Variants in UGT1A9 observed in about 807,000 individuals in gnomAD.
UGT1A9 encodes UDP-glucuronosyltransferase 1A9.
Under a neutral mutation model 45.0 loss-of-function variants are expected in UGT1A9, and 35 were observed. The ratio of observed to expected loss-of-function variants is 0.78; its 90% CI spans 0.59 to 1.03. The LOEUF (loss-of-function observed/expected upper bound fraction) is 1.03. UGT1A9 is among the 50% of genes least tolerant of loss of function. UGT1A9 has a pLI of 0.00. For synonymous variants in UGT1A9, 278 were observed against 250.6 expected, an observed-to-expected ratio of 1.11 and a Z score of -1.03; for missense variants, 687 against 666.6, an observed-to-expected ratio of 1.03 and a Z score of -0.34.
chr2:233,728,547 T>G (rs547390241), intron 1 of UGT1A9, among the ~76,000 whole-genome samples: 2 of 152,326 alleles, frequency 1.3e-5, no homozygotes, highest in African/African-American at 4.8e-5. Flanking sequence ...GAGTCCTCTC[T>G]GATCCTTACA....
chr2:233,713,134 T>C (rs3755323), intron 1 of UGT1A9: 158,247 of 1,614,024 alleles, frequency 0.098, 8,762 homozygotes, highest in South Asian at 0.2. Flanking sequence ...CGGGAGGCCT[T>C]GCGGGACCTC....
Position 233,682,599 on chromosome 2 carries a change from C to G in UGT1A9, c.855+9810C>G. On this transcript the variant is annotated intron_variant, in intron 1 of 4. Transcript: ENST00000354728. The stretch of plus-strand genomic sequence containing the variant: ...CACTTGGAGGAACATTTATTTTGCC[C>G]CTATTTTTTCAAAAATGTCTTAGAA... 4 of 1,613,876 alleles carry G rather than the reference C, an allele frequency of 2.5e-6. No homozygotes were observed. In the South Asian group the frequency reaches 4.4e-5, roughly 18 times the overall value.
chr2:233,682,269 G>A, intron 1 of UGT1A9: 2 of 1,614,172 alleles, frequency 1.2e-6, no homozygotes, highest in Non-Finnish European at 1.7e-6. Flanking sequence ...CTATTAACAA[G>A]TTCATCCAAT....
At chr2:233,741,008 GC>G (rs1212205801) in intron 1 of UGT1A9, 3 of 151,722 alleles carry the variant, frequency 2.0e-5, no homozygotes, top group Admixed American at 6.6e-5. Flanking sequence ...GATCACTTGA[GC>G]CCAGGAATTC....
At chr2:233,743,056 A>G (rs955838724) in intron 1 of UGT1A9, 3 of 325,656 alleles carry the variant, frequency 9.2e-6, no homozygotes, top group African/African-American at 6.5e-5. Context: ...AGTCCCAACG[A>G]TAAGAACAGG....
rs144416943 is a variant in UGT1A9, at chr2:233,751,718, G to A, written c.856-15316G>A. 2.1e-3 allele frequency among the ~76,000 whole-genome samples: 324 copies of A among 152,254 alleles called. 2 individuals carry two copies. The highest frequency in any genetic ancestry group is 7.5e-3 in the African/African-American group (310 of 41,552). ...GGGGCTCTTCCTCCTTCACTCACAA[G>A]TGAACTCTTCCTCTCTGTTTCTCTC... On this transcript the variant is annotated intron_variant, in intron 1 of 4. Transcript: ENST00000354728.
chr2:233,724,305 C>G (rs2077214649), intron 1 of UGT1A9, among the ~76,000 whole-genome samples: 3 of 147,406 alleles, frequency 2.0e-5, no homozygotes, highest in Admixed American at 6.7e-5. Context: ...CCCCACCTCC[C>G]TCCCGGACGG....
At chr2:233,747,383 G>A (rs979148855) in intron 1 of UGT1A9, 12 of 1,605,438 alleles carry the variant, frequency 7.5e-6, no homozygotes, top group Admixed American at 3.3e-5. Flanking sequence ...GAGGCCACCA[G>A]GCGGTGGTCC....
chr2:233,766,561 C>T (rs1699182212), intron 1 of UGT1A9, among the ~76,000 whole-genome samples: 1 of 152,200 alleles, frequency 6.6e-6, no homozygotes, highest in Non-Finnish European at 1.5e-5. Context: ...CACCTAGGTC[C>T]ATGGGCACAG....
intron 1 of UGT1A9, among the ~76,000 whole-genome samples, chr2:233,757,259 G>T (rs1043917928): frequency 2.0e-5 from 3 of 146,774 alleles, no homozygotes; most frequent in African/African-American, 7.6e-5. Context: ...TTATTCAGGT[G>T]GCAGCCGATG....
rs576748005 is a variant in UGT1A9 at position 233,703,104 on chromosome 2, T to C, written c.855+30315T>C. On this transcript the variant is annotated intron_variant, in intron 1 of 4. Coordinates refer to ENST00000354728, the MANE Select transcript of UGT1A9 (RefSeq NM_021027.3). ...GCTTTTCTTGCAGGAGGTTTTAAAA[T>C]TACTAATTTAATCTTTTTACCTGTT... Among the ~76,000 whole-genome samples, 7 of 152,330 alleles carry C rather than the reference T, an allele frequency of 4.6e-5. No homozygotes were observed. The East Asian group carries it at 1.3e-3, about 29-fold the overall frequency.
At chr2:233,702,817 T>C (rs933179108) in intron 1 of UGT1A9, among the ~76,000 whole-genome samples, 1 of 152,218 alleles carries the variant, frequency 6.6e-6, no homozygotes, top group Non-Finnish European at 1.5e-5. Context: ...TCCCACTTGA[T>C]TGTGTTGTAT....
At position 233,756,026 on chromosome 2, in the gene UGT1A9, C is replaced by A. The variant is rs573577160; in HGVS notation, c.856-11008C>A. The stretch of plus-strand genomic sequence containing the variant: ...TATCTATTGTGATATTACACATCCC[C>A]CATGTAGCTTCTGGAAAACTCCACT... On this transcript the variant is annotated intron_variant, in intron 1 of 4. Transcript: ENST00000354728. 66 of 152,322 alleles carry A rather than the reference C, an allele frequency of 4.3e-4. 1 individual carries two copies. The highest frequency in any genetic ancestry group is 1.5e-3 in the African/African-American group (63 of 41,570). The allele number at this position is 152,322 out of a possible 1,614,324, so 9.4% of individuals were successfully genotyped here. A position where few individuals can be genotyped will look rare whatever the true frequency, so the allele number is the denominator to read the frequency against.
intron 4 of UGT1A9, chr2:233,770,959 T>C (rs1275512956): frequency 1.3e-5 from 2 of 152,178 alleles, no homozygotes; most frequent in East Asian, 3.9e-4. Context: ...AGGGAGCTTT[T>C]ACTCATGGCA....
chr2:233,761,889 C>G (rs2125994271), intron 1 of UGT1A9, among the ~76,000 whole-genome samples: 1 of 152,322 alleles, frequency 6.6e-6, no homozygotes, highest in Middle Eastern at 3.4e-3. Context: ...TTCACTTATC[C>G]TGCAAAGATT....
intron 1 of UGT1A9, chr2:233,743,038 A>C (rs968490640): frequency 1.1e-4 from 31 of 283,022 alleles, no homozygotes; most frequent in Non-Finnish European, 2.8e-5. Context: ...CAGAGGTCCT[A>C]TCCGTGTAGT....
chr2:233,766,893 T>C (rs1364703426), intron 1 of UGT1A9, 141 bp from the exon 2 acceptor site: 21 of 1,472,754 alleles, frequency 1.4e-5, no homozygotes. Flanking sequence ...AACTTACATA[T>C]TAATAATTTT....
chr2:233,719,424 T>A (rs1477800386), intron 1 of UGT1A9: 11 of 1,613,828 alleles, frequency 6.8e-6, no homozygotes, highest in Non-Finnish European at 9.3e-6. Flanking sequence ...AACGACCAAT[T>A]CAGACCACAT....
At chr2:233,728,855 A>C (rs900192312) in intron 1 of UGT1A9, among the ~76,000 whole-genome samples, 5 of 152,210 alleles carry the variant, frequency 3.3e-5, no homozygotes, top group African/African-American at 1.2e-4. Flanking sequence ...ATTGGATGAG[A>C]AACAAGAGCT....
Sources: allele counts gnomAD v4.1 joint callset (sites outside exome capture counted in the v4.1 genomes callset), GRCh38; gene constraint gnomAD v4.1.1; transcripts MANE v1.5; gene names NCBI Gene and HGNC (gene_info 2026-07-23, HGNC 2026-07-21).